The following ANKS1B variants were observed in gnomAD, a reference collection of about 807,000 sequenced individuals.
The protein encoded by ANKS1B is ankyrin repeat and sterile alpha motif domain containing 1B.
Under a neutral mutation model 148.3 loss-of-function variants are expected in ANKS1B, and 36 were observed. The observed-to-expected ratio is 0.24, with a 90% confidence interval of 0.19 to 0.32. ANKS1B has a LOEUF of 0.32. Among genes scored for constraint, ANKS1B ranks in the 10% least tolerant of loss-of-function variants. The pLI is 1.00. For missense variants in ANKS1B, 1,157 were observed against 1,542.6 expected (o/e 0.75, Z 4.19); for synonymous variants, 542 against 560.8 (o/e 0.97, Z 0.47).
At chr12:98,930,468 C>T (rs1338011362) in intron 17 of ANKS1B, among the ~76,000 whole-genome samples, 1 of 151,984 alleles carries the variant, frequency 6.6e-6, no homozygotes, top group Non-Finnish European at 1.5e-5. Context: ...TATGTGGATA[C>T]AAAATTTGTA....
chr12:99,502,023 C>T (rs890700474), intron 10 of ANKS1B, among the ~76,000 whole-genome samples: 1 of 152,064 alleles, frequency 6.6e-6, no homozygotes. Flanking sequence ...GTGTCCATGT[C>T]ATTTTCATCC....
At chr12:99,963,162 G>A (rs1017751679) in intron 1 of ANKS1B, among the ~76,000 whole-genome samples, 19 of 152,180 alleles carry the variant, frequency 1.2e-4, no homozygotes, top group African/African-American at 4.3e-4. Flanking sequence ...GTCTTCTTTT[G>A]AGAAGCGTCT....
intron 8 of ANKS1B, among the ~76,000 whole-genome samples, chr12:99,722,349 T>G (rs1004094168): frequency 9.9e-5 from 15 of 152,240 alleles, no homozygotes; most frequent in African/African-American, 3.6e-4. Context: ...TTTGTTAGGT[T>G]GTAATGCAGC....
At chr12:99,390,865 C>T (rs560404697) in intron 12 of ANKS1B, among the ~76,000 whole-genome samples, 109 of 152,314 alleles carry the variant, frequency 7.2e-4, no homozygotes, top group African/African-American at 2.5e-3. Flanking sequence ...GAGAGGTGAC[C>T]GCTGCAGAGG....
At chr12:99,787,380 T>C (rs1018303970) in intron 4 of ANKS1B, among the ~76,000 whole-genome samples, 1 of 152,194 alleles carries the variant, frequency 6.6e-6, no homozygotes, top group Admixed American at 6.5e-5. Flanking sequence ...CTCCTTCACC[T>C]TCCACCATGA....
At chr12:99,814,186 A>G (rs1742244375) in intron 2 of ANKS1B, among the ~76,000 whole-genome samples, 1 of 151,672 alleles carries the variant, frequency 6.6e-6, no homozygotes, top group Non-Finnish European at 1.5e-5. Flanking sequence ...TGTTCACACA[A>G]TGATGAAATC....
At chr12:99,090,356 A>T (rs907251404) in intron 15 of ANKS1B, among the ~76,000 whole-genome samples, 1 of 152,124 alleles carries the variant, frequency 6.6e-6, no homozygotes, top group African/African-American at 2.4e-5. Flanking sequence ...AAATATATTT[A>T]AGGACCACAG....
At chr12:99,660,434 G>T (rs1218666120) in intron 8 of ANKS1B, among the ~76,000 whole-genome samples, 1 of 136,690 alleles carries the variant, frequency 7.3e-6, no homozygotes, top group Non-Finnish European at 1.5e-5. Context: ...CACAATCTCT[G>T]CTCACTGCAG....
intron 12 of ANKS1B, among the ~76,000 whole-genome samples, chr12:99,274,885 T>G (rs2153992284): frequency 6.6e-6 from 1 of 152,312 alleles, no homozygotes; most frequent in East Asian, 1.9e-4. Flanking sequence ...GAGACTTTAC[T>G]TGGGTTGTTA....
At chr12:99,131,308 T>G (rs1367532978) in intron 15 of ANKS1B, among the ~76,000 whole-genome samples, 2 of 152,220 alleles carry the variant, frequency 1.3e-5, no homozygotes, top group African/African-American at 2.4e-5. Flanking sequence ...TTAATGCTTA[T>G]TAAGATGACT....
intron 1 of ANKS1B, among the ~76,000 whole-genome samples, chr12:99,916,272 G>A (rs1228707066): frequency 6.6e-6 from 1 of 152,118 alleles, no homozygotes; most frequent in African/African-American, 2.4e-5. Context: ...AGAGTATATG[G>A]CACCATATGC....
intron 4 of ANKS1B, among the ~76,000 whole-genome samples, chr12:99,799,080 G>C (rs1247006146): frequency 6.6e-6 from 1 of 152,052 alleles, no homozygotes; most frequent in Non-Finnish European, 1.5e-5. Context: ...TTTATGAAAA[G>C]TCATCTTCCC....
At chr12:99,202,704 G>T (rs2153899073) in intron 14 of ANKS1B, among the ~76,000 whole-genome samples, 1 of 152,164 alleles carries the variant, frequency 6.6e-6, no homozygotes, top group East Asian at 1.9e-4. Flanking sequence ...GTTATCTATT[G>T]CTGTATAACA....
At position 99,666,857 on chromosome 12, in the gene ANKS1B, GGTGTGTGTGT is replaced by G. The variant is rs3083633; in HGVS notation, c.1129-11657_1129-11648del. On this transcript the variant is annotated intron_variant, in intron 8 of 26. Coordinates refer to ENST00000683438, the MANE Select transcript of ANKS1B (RefSeq NM_001352186.2). The stretch of plus-strand genomic sequence containing the variant: ...CCATCACGTCATATAGTTACTATGG[GGTGTGTGTGT>G]GTGTGTGTGTGTGTGTGTGTGTGTG... Among the ~76,000 whole-genome samples the G allele has an allele frequency of 2.3e-3, 304 of 132,624 alleles. 4 individuals are homozygous for G. In the South Asian group the frequency reaches 0.045, roughly 20 times the overall value. 87.0% of individuals were successfully genotyped at this position (132,624 alleles called of 152,430 possible).
intron 17 of ANKS1B, among the ~76,000 whole-genome samples, chr12:98,971,801 G>A (rs1479507024): frequency 6.6e-6 from 1 of 152,174 alleles, no homozygotes; most frequent in Non-Finnish European, 1.5e-5. Flanking sequence ...AGATCCAGCT[G>A]TTGTCCATTT....
At chr12:99,552,665 A>G (rs1402740543) in intron 9 of ANKS1B, among the ~76,000 whole-genome samples, 3 of 152,234 alleles carry the variant, frequency 2.0e-5, no homozygotes, top group African/African-American at 7.2e-5. Context: ...GATATAAACA[A>G]TAACATGGCT....
At chr12:99,215,089 G>T (rs934302045) in intron 14 of ANKS1B, among the ~76,000 whole-genome samples, 1 of 152,194 alleles carries the variant, frequency 6.6e-6, no homozygotes, top group Non-Finnish European at 1.5e-5. Flanking sequence ...CATTCACAAA[G>T]ATATGGTTTG....
At chr12:99,764,309 CT>C (rs774173373) in intron 8 of ANKS1B, among the ~76,000 whole-genome samples, 1 of 152,108 alleles carries the variant, frequency 6.6e-6, no homozygotes, top group Non-Finnish European at 1.5e-5. Context: ...ATAGTTAGAT[CT>C]AAATAGAAGG....
chr12:99,162,805 A>G (rs2076799236), intron 14 of ANKS1B, among the ~76,000 whole-genome samples: 1 of 152,206 alleles, frequency 6.6e-6, no homozygotes, highest in South Asian at 2.1e-4. Flanking sequence ...CTCACGCCTA[A>G]TCTCAGCACT....
Sources: allele counts gnomAD v4.1 joint callset (sites outside exome capture counted in the v4.1 genomes callset), GRCh38; gene constraint gnomAD v4.1.1; transcripts MANE v1.5; gene names NCBI Gene and HGNC (gene_info 2026-07-23, HGNC 2026-07-21).